COBLL1: variants seen among roughly 807,000 people sequenced by gnomAD.
The protein encoded by COBLL1 is cordon-bleu WH2 repeat protein like 1, also known as cordon-bleu protein-like 1.
COBLL1 carries 50 observed loss-of-function variants against 94.8 expected under a neutral mutation model. That is an observed-to-expected ratio of 0.53 (90% CI 0.42 to 0.67). COBLL1 has a LOEUF of 0.67. COBLL1 is among the 30% of genes least tolerant of loss of function. COBLL1 has a pLI of 0.00. For synonymous variants in COBLL1, 448 were observed against 473.8 expected, an observed-to-expected ratio of 0.95 and a Z score of 0.71; for missense variants, 1,362 against 1,348.7, an observed-to-expected ratio of 1.01 and a Z score of -0.15.
At chr2:164,790,288 G>T (rs754052661) in intron 2 of COBLL1, among the ~76,000 whole-genome samples, 1 of 152,072 alleles carries the variant, frequency 6.6e-6, no homozygotes, top group African/African-American at 2.4e-5. Flanking sequence ...CCATGGGACG[G>T]CATCCTATCT....
intron 7 of COBLL1, chr2:164,718,335 T>A (rs1685279939): frequency 2.9e-6 from 2 of 698,602 alleles, no homozygotes; most frequent in Non-Finnish European, 1.8e-6. Flanking sequence ...GAGGATGAGG[T>A]AAGTAAGTCA....
chr2:164,682,975 G>GTGACC lies in COBLL1; in HGVS notation c.*2966_*2970dup, dbSNP rs1282715945. On this transcript the variant is annotated 3_prime_UTR_variant, in exon 14 of 14. Coordinates refer to ENST00000652658, the MANE Select transcript of COBLL1 (RefSeq NM_001365672.2). Reference sequence around the variant, plus strand: ...GCAAGTTGTTACATAGTATTAGAGTGTGACCTCCTTTCATGTTAAGAAACA... The same window carrying GTGACC: ...GCAAGTTGTTACATAGTATTAGAGTGTGACCTGACCTCCTTTCATGTTAAGAAACA... 2.0e-5 allele frequency: 3 copies of GTGACC among 150,888 alleles called. No homozygotes were observed. The highest frequency in any genetic ancestry group is 4.4e-5 in the Non-Finnish European group (3 of 67,810). The allele number at this position is 150,888 out of a possible 1,614,324, so 9.3% of individuals were successfully genotyped here.
At chr2:164,798,779 G>A (rs565729150) in intron 2 of COBLL1, among the ~76,000 whole-genome samples, 39 of 151,586 alleles carry the variant, frequency 2.6e-4, no homozygotes, top group African/African-American at 9.4e-4. Context: ...CAGCACTTTG[G>A]GAGGCCAAGG....
At chr2:164,730,385 C>G (rs1035893328) in intron 3 of COBLL1, among the ~76,000 whole-genome samples, 2 of 151,468 alleles carry the variant, frequency 1.3e-5, no homozygotes, top group Non-Finnish European at 2.9e-5. Flanking sequence ...GTAGTCCCAC[C>G]TACTCAGGAG....
Position 164,841,340 on chromosome 2 carries a change from C to T in COBLL1, c.-50-94G>A, listed in dbSNP as rs988143749. On this transcript the variant is annotated intron_variant, in intron 1 of 13. Coordinates refer to ENST00000652658, the MANE Select transcript of COBLL1 (RefSeq NM_001365672.2). The surrounding 1 kb of genome is among the most constrained non-coding windows in gnomAD (Gnocchi z 5.5). ...GAGCGTCAAGAGCCCGCCCGAGCCG[C>T]TCCAGCCCCGGCCGGCCCGCCTCCC... 4 of 1,201,652 alleles carry T rather than the reference C, an allele frequency of 3.3e-6. No homozygotes were observed. The African/African-American group carries it at 6.3e-5, about 19-fold the overall frequency. The allele number at this position is 1,201,652 out of a possible 1,614,324, so 74.4% of individuals were successfully genotyped here. A position where few individuals can be genotyped will look rare whatever the true frequency, so the allele number is the denominator to read the frequency against.
At chr2:164,729,240 CATGT>C (rs1427147285) in intron 4 of COBLL1, among the ~76,000 whole-genome samples, 4 of 151,494 alleles carry the variant, frequency 2.6e-5, no homozygotes, top group African/African-American at 7.3e-5. Flanking sequence ...ATTTAAGTCA[CATGT>C]ATCAATTTAA....
At chr2:164,703,188 G>A (rs369267653) in intron 9 of COBLL1, 1 of 1,613,414 alleles carries the variant, frequency 6.2e-7, no homozygotes, top group African/African-American at 1.3e-5. Context: ...GCAGTGCACT[G>A]CTCCTGACTG....
chr2:164,775,459 T>C (rs1688418969), intron 2 of COBLL1, among the ~76,000 whole-genome samples: 1 of 152,082 alleles, frequency 6.6e-6, no homozygotes, highest in Non-Finnish European at 1.5e-5. Flanking sequence ...GTTTGTTTTG[T>C]TTTGTTTTGT....
intron 3 of COBLL1, among the ~76,000 whole-genome samples, chr2:164,735,858 G>C (rs1413668307): frequency 1.3e-5 from 2 of 152,118 alleles, no homozygotes; most frequent in Non-Finnish European, 2.9e-5. Flanking sequence ...GAGCACACGT[G>C]AGCAGTCCAT....
intron 2 of COBLL1, among the ~76,000 whole-genome samples, chr2:164,787,725 C>T (rs571445771): frequency 6.6e-6 from 1 of 152,274 alleles, no homozygotes; most frequent in South Asian, 2.1e-4. Context: ...ACACTTTCAC[C>T]TGCAACCTCA....
Position 164,694,739 on chromosome 2 carries a change from C to T in COBLL1, c.2653G>A (p.Ala885Thr), listed in dbSNP as rs756416117. 2 of 1,613,606 alleles carry T rather than the reference C, an allele frequency of 1.2e-6. No homozygotes were observed. Among genetic ancestry groups the T allele is most frequent in the Admixed American group, 1.7e-5 (1 of 59,910 alleles). ...VSGHYVTSAA[A>T]KSVHAAPNPA... ...TTAGGGGCAGCATGGACACTCTTGG[C>T]AGCTGCAGATGTCACATAGTGACCC... The change falls in exon 12 of 14, where the codon GCC becomes ACC. Residue 885 changes from alanine to threonine, a missense_variant. Coordinates refer to ENST00000652658, the MANE Select transcript of COBLL1 (RefSeq NM_001365672.2).
intron 2 of COBLL1, among the ~76,000 whole-genome samples, chr2:164,659,514 G>A (rs1044824176): frequency 3.3e-5 from 5 of 152,282 alleles, no homozygotes; most frequent in African/African-American, 1.2e-4. Flanking sequence ...TTAAGTAAAT[G>A]GTTGTCTGAT....
intron 3 of COBLL1, among the ~76,000 whole-genome samples, chr2:164,731,395 T>G (rs1263924782): frequency 6.6e-6 from 1 of 152,230 alleles, no homozygotes; most frequent in Admixed American, 6.5e-5. Flanking sequence ...ACCAATTTTT[T>G]GCTTCCCTTT....
At chr2:164,789,895 T>G (rs1683097299) in intron 2 of COBLL1, among the ~76,000 whole-genome samples, 1 of 152,248 alleles carries the variant, frequency 6.6e-6, no homozygotes, top group African/African-American at 2.4e-5. Context: ...CACATTGGAC[T>G]GATTACGAAC....
intron 2 of COBLL1, among the ~76,000 whole-genome samples, chr2:164,794,824 T>C (rs1235293376): frequency 1.3e-5 from 2 of 152,200 alleles, no homozygotes; most frequent in Non-Finnish European, 2.9e-5. Context: ...GTTCTTCTAT[T>C]AAGTTAACAC....
intron 2 of COBLL1, among the ~76,000 whole-genome samples, chr2:164,822,618 T>C (rs772386129): frequency 8.6e-5 from 13 of 151,992 alleles, no homozygotes; most frequent in Non-Finnish European, 1.8e-4. Context: ...GATGTTAACT[T>C]CCCAAAGTCT....
At chr2:164,830,149 T>A (rs565098963) in intron 2 of COBLL1, among the ~76,000 whole-genome samples, 1 of 152,344 alleles carries the variant, frequency 6.6e-6, no homozygotes, top group East Asian at 1.9e-4. Context: ...CACTCCCTGC[T>A]TCCTAAACTG....
chr2:164,714,205 C>T (rs559039880), intron 7 of COBLL1, among the ~76,000 whole-genome samples: 5 of 151,684 alleles, frequency 3.3e-5, no homozygotes, highest in African/African-American at 7.3e-5. Context: ...TGTTATTCCC[C>T]TGTAAGTTTT....
intron 2 of COBLL1, among the ~76,000 whole-genome samples, chr2:164,838,399 T>C (rs759734023): frequency 3.9e-5 from 6 of 152,230 alleles, no homozygotes; most frequent in Non-Finnish European, 8.8e-5. Flanking sequence ...TAATTTATCA[T>C]AGAATTAATA....
Sources: allele counts gnomAD v4.1 joint callset (sites outside exome capture counted in the v4.1 genomes callset), GRCh38; gene constraint gnomAD v4.1.1; non-coding constraint Gnocchi (gnomAD v3.1); transcripts MANE v1.5; gene names NCBI Gene and HGNC (gene_info 2026-07-23, HGNC 2026-07-21).